Variants in CFAP47 observed in about 807,000 individuals in gnomAD.
The protein encoded by CFAP47 is cilia and flagella associated protein 47.
A neutral mutation model predicts 148.1 loss-of-function variants in CFAP47; 29 were observed. That is an observed-to-expected ratio of 0.20 (90% CI 0.15 to 0.27). The LOEUF (loss-of-function observed/expected upper bound fraction) is 0.27. Ranked by LOEUF, CFAP47 falls within the 10% of genes least tolerant of loss-of-function variation. CFAP47 has a pLI of 1.00. For missense variants in CFAP47, 1,872 were observed against 1,697.5 expected, an observed-to-expected ratio of 1.10 and a Z score of -1.81; for synonymous variants, 664 against 577.3, an observed-to-expected ratio of 1.15 and a Z score of -2.15.
chrX:36,119,945 C>G (rs1173019476), intron 33 of CFAP47, among the ~76,000 whole-genome samples: 1 of 108,152 alleles, frequency 9.2e-6, no homozygotes, highest in East Asian at 2.9e-4. Flanking sequence ...CTCTTTTTTT[C>G]TTAGATGGTC....
At chrX:36,134,112 CA>C (rs1490404767) in intron 33 of CFAP47, among the ~76,000 whole-genome samples, 1 of 110,552 alleles carries the variant, frequency 9.0e-6, no homozygotes, top group East Asian at 2.8e-4. Flanking sequence ...GTATGTATAA[CA>C]AAATAAATTA....
chrX:35,978,884 G>C (rs1936604670), intron 15 of CFAP47, among the ~76,000 whole-genome samples: 1 of 111,611 alleles, frequency 9.0e-6, no homozygotes, highest in Non-Finnish European at 1.9e-5. Flanking sequence ...AATTTATATT[G>C]TCTTTGTCCT....
chrX:36,171,904 A>G (rs1480636243), intron 39 of CFAP47, among the ~76,000 whole-genome samples: 1 of 108,878 alleles, frequency 9.2e-6, no homozygotes, highest in East Asian at 2.9e-4. Context: ...GGCCATTTTC[A>G]CGATATTGAT....
chrX:36,229,891 G>A (rs1940321579), intron 46 of CFAP47, among the ~76,000 whole-genome samples: 1 of 99,867 alleles, frequency 1.0e-5, no homozygotes, highest in Admixed American at 1.1e-4. Flanking sequence ...ATAGTTTACT[G>A]AGAATGATGA....
At chrX:35,941,163 G>T in intron 2 of CFAP47, 120 bp from the exon 3 acceptor site, 1 of 401,284 alleles carries the variant, frequency 2.5e-6, no homozygotes, top group Non-Finnish European at 4.3e-6. Context: ...CAGTAGACCT[G>T]TAAATAAACT....
chrX:35,971,557 A>G, intron 11 of CFAP47, 29 bp from the exon 12 acceptor site: 1 of 943,842 alleles, frequency 1.1e-6, no homozygotes, highest in South Asian at 2.7e-5. Flanking sequence ...GACCTCAATT[A>G]CTGATTATTA....
At position 36,280,681 on chromosome X, in the gene CFAP47, A is replaced by T. The variant is rs1602088171; in HGVS notation, c.7588+51A>T. 4.2e-5 allele frequency: 18 copies of T among 427,482 alleles called. No individual in the cohort carries two copies. The East Asian group carries it at 7.2e-4, about 17-fold the overall frequency. 35.2% of individuals were successfully genotyped at this position (427,482 alleles called of 1,213,427 possible). ...CTATTAGTTTGCATAAATCCAAATC[A>T]TCATTCACTTTTGAATGAAATAGAT... On this transcript the variant is annotated intron_variant, in intron 50 of 63. Transcript: ENST00000378653.
rs768770227 is a variant in CFAP47, at chrX:35,953,680, G to C, written c.1135G>C (p.Asp379His). 5.7e-5 allele frequency: 68 copies of C among 1,201,283 alleles called. No individual in the cohort carries two copies. The highest frequency in any genetic ancestry group is 7.4e-5 in the Non-Finnish European group (66 of 888,778). Residue 379 changes from aspartate (D) to histidine (H), a missense_variant, in exon 7 of 64, where the codon GAT becomes CAT. Coordinates refer to ENST00000378653, the MANE Select transcript of CFAP47 (RefSeq NM_001304548.2). ...FLRFESVGSK[D>H]GFLRDDDYKT... ...GAGATTTGAGTCCGTAGGAAGTAAA[G>C]ATGGATTTTTGAGAGATGATGACTA...
chrX:36,166,759 A>ACTTCTAATTT (rs1169763463), intron 39 of CFAP47, among the ~76,000 whole-genome samples: 1 of 111,246 alleles, frequency 9.0e-6, no homozygotes, highest in Non-Finnish European at 1.9e-5. Context: ...TGTTCTTTGC[A>ACTTCTAATTT]CTTCTAATTT....
At chrX:36,015,120 G>A (rs995045008) in intron 22 of CFAP47, among the ~76,000 whole-genome samples, 1 of 110,069 alleles carries the variant, frequency 9.1e-6, no homozygotes, top group Admixed American at 9.7e-5. Flanking sequence ...TCTCTGGCAA[G>A]CAACTTGCTA....
intron 32 of CFAP47, among the ~76,000 whole-genome samples, chrX:36,101,744 A>G (rs1938380381): frequency 8.9e-6 from 1 of 112,003 alleles, no homozygotes; most frequent in South Asian, 3.8e-4. Context: ...TTGGGTCAAC[A>G]TAAGCCTAGT....
chrX:36,187,745 T>G (rs1939823048), intron 40 of CFAP47, among the ~76,000 whole-genome samples: 1 of 111,943 alleles, frequency 8.9e-6, no homozygotes, highest in East Asian at 2.8e-4. Context: ...ACAGAATAAC[T>G]GTAAGAAGTG....
chrX:35,945,050 C>G (rs753040090), intron 3 of CFAP47, among the ~76,000 whole-genome samples: 1 of 111,794 alleles, frequency 8.9e-6, no homozygotes, highest in Admixed American at 9.6e-5. Context: ...AACTCAGGTC[C>G]TGAAGTGTGG....
intron 2 of CFAP47, among the ~76,000 whole-genome samples, chrX:35,937,280 A>T (rs1477520785): frequency 9.3e-6 from 1 of 108,101 alleles, no homozygotes; most frequent in African/African-American, 3.4e-5. Context: ...ATTGATCCCC[A>T]GGCTGGCATT....
At chrX:36,122,603 T>C (rs1194449620) in intron 33 of CFAP47, among the ~76,000 whole-genome samples, 1 of 112,106 alleles carries the variant, frequency 8.9e-6, no homozygotes, top group Non-Finnish European at 1.9e-5. Flanking sequence ...ATGTATTTTT[T>C]AGTATGCCAA....
In CFAP47 at chrX:36,285,267, C is replaced by T. The variant is rs1418304729; in HGVS notation, c.7589-362C>T. ...TGACTTATTTAGATATATCTATGTA[C>T]AAATACATGAATAGTTTGTCAATGA... is the stretch of plus-strand genomic sequence containing the variant. On this transcript the variant is annotated intron_variant, in intron 50 of 63. Coordinates refer to ENST00000378653, the MANE Select transcript of CFAP47 (RefSeq NM_001304548.2). Among the ~76,000 whole-genome samples the T allele has an allele frequency of 2.7e-5, 3 of 111,018 alleles. No homozygotes were observed. The Admixed American group carries it at 2.9e-4, about 11-fold the overall frequency.
chrX:36,201,397 A>G lies in CFAP47; in HGVS notation c.6560A>G (p.Gln2187Arg). ...AAGGCTTTGGCTTTTGCAGCACAGCAACAGATGTCGAGTATTGAGTATGAG... is the reference window on the plus strand; with the variant it reads ...AAGGCTTTGGCTTTTGCAGCACAGCGACAGATGTCGAGTATTGAGTATGAG... ...KEKALAFAAQQQMSSIEYERR... is the reference protein window; with the variant it reads ...KEKALAFAAQRQMSSIEYERR... The change falls in exon 44 of 64, where the codon CAA becomes CGA. Residue 2187 changes from glutamine (Q) to arginine (R), a missense_variant. Gln to Arg is a conservative substitution (Grantham distance 43). Coordinates refer to ENST00000378653, the MANE Select transcript of CFAP47 (RefSeq NM_001304548.2). The G allele has an allele frequency of 2.7e-5, 8 of 297,354 alleles. No homozygotes were observed. The highest frequency in any genetic ancestry group is 4.7e-5 in the Non-Finnish European group (8 of 170,096). The allele number at this position is 297,354 out of a possible 1,213,427, so 24.5% of individuals were successfully genotyped here. A position where few individuals can be genotyped will look rare whatever the true frequency, so the allele number is the denominator to read the frequency against.
intron 39 of CFAP47, among the ~76,000 whole-genome samples, chrX:36,166,979 G>A (rs1278600652): frequency 1.8e-5 from 2 of 111,416 alleles, no homozygotes; most frequent in African/African-American, 6.5e-5. Flanking sequence ...TGGGGTGGGG[G>A]TGGATAAGTT....
At chrX:36,350,427 C>A (rs781954642) in intron 59 of CFAP47, among the ~76,000 whole-genome samples, 3 of 111,262 alleles carry the variant, frequency 2.7e-5, no homozygotes, top group African/African-American at 9.8e-5. Context: ...TTGTAAGATT[C>A]TCAGGTATAC....
Sources: allele counts gnomAD v4.1 joint callset (sites outside exome capture counted in the v4.1 genomes callset), GRCh38; gene constraint gnomAD v4.1.1; transcripts MANE v1.5; gene names NCBI Gene and HGNC (gene_info 2026-07-23, HGNC 2026-07-21).